UGT1A9: variants seen among roughly 807,000 people sequenced by gnomAD.
UGT1A9 encodes UDP-glucuronosyltransferase 1A9.
In UGT1A9, 35 loss-of-function variants were observed where a neutral mutation model predicts 45.0. The ratio of observed to expected loss-of-function variants is 0.78; its 90% CI spans 0.59 to 1.03. The LOEUF is 1.03. Among genes scored for constraint, UGT1A9 ranks in the 50% least tolerant of loss-of-function variants. The pLI is 0.00. For missense variants in UGT1A9, 687 were observed against 666.6 expected (o/e 1.03, Z -0.34); for synonymous variants, 278 against 250.6 (o/e 1.11, Z -1.03).
chr2:233,745,019 T>C (rs1692990004), intron 1 of UGT1A9, among the ~76,000 whole-genome samples: 1 of 151,908 alleles, frequency 6.6e-6, no homozygotes, highest in Non-Finnish European at 1.5e-5. Context: ...ATGTAAATGC[T>C]ATGTAAATAG....
At chr2:233,713,308 T>A in intron 1 of UGT1A9, 1 of 1,614,228 alleles carries the variant, frequency 6.2e-7, no homozygotes, top group Non-Finnish European at 8.5e-7. Flanking sequence ...ACAGAACATC[T>A]TCTGATGAAA....
At chr2:233,765,087 G>A (rs1381800370) in intron 1 of UGT1A9, among the ~76,000 whole-genome samples, 3 of 152,094 alleles carry the variant, frequency 2.0e-5, no homozygotes, top group African/African-American at 7.2e-5. Flanking sequence ...CACATCTAGG[G>A]TGACCAGCAT....
At chr2:233,677,073 G>A (rs879777039) in intron 1 of UGT1A9, among the ~76,000 whole-genome samples, 5 of 151,762 alleles carry the variant, frequency 3.3e-5, no homozygotes, top group Non-Finnish European at 7.4e-5. Flanking sequence ...GTTCATTAAT[G>A]TGTGCAAAAA....
At chr2:233,755,420 G>A (rs187061066) in intron 1 of UGT1A9, 126 of 320,310 alleles carry the variant, frequency 3.9e-4, no homozygotes, top group African/African-American at 1.9e-3. Context: ...GCCTGTGAGC[G>A]CCTCGCATCC....
chr2:233,762,263 T>A (rs1459310284), intron 1 of UGT1A9, among the ~76,000 whole-genome samples: 1 of 152,194 alleles, frequency 6.6e-6, no homozygotes, highest in Non-Finnish European at 1.5e-5. Context: ...CGAATATGTG[T>A]TACATTAATG....
intron 1 of UGT1A9, among the ~76,000 whole-genome samples, chr2:233,745,582 T>C (rs1693150962): frequency 6.6e-6 from 1 of 151,630 alleles, no homozygotes; most frequent in Admixed American, 6.6e-5. Context: ...TGACATAACC[T>C]GAGACCCGGA....
At chr2:233,754,654 T>C (rs1182813950) in intron 1 of UGT1A9, 3 of 457,300 alleles carry the variant, frequency 6.6e-6, no homozygotes, top group Admixed American at 4.9e-5. Context: ...TCAATGATTC[T>C]CTTGGTGGTG....
chr2:233,738,373 AC>A (rs1456514081), intron 1 of UGT1A9, among the ~76,000 whole-genome samples: 3 of 152,222 alleles, frequency 2.0e-5, no homozygotes, highest in Non-Finnish European at 4.4e-5. Context: ...CTATAAAACT[AC>A]TTGAAAATGT....
At position 233,767,169 on chromosome 2, in the gene UGT1A9, A is replaced by G; in HGVS notation, c.987+4A>G. On this transcript the variant is annotated splice_donor_region_variant and intron_variant, in intron 2 of 4. Coordinates refer to ENST00000354728, the MANE Select transcript of UGT1A9 (RefSeq NM_021027.3). The stretch of plus-strand genomic sequence containing the variant: ...TTTGGGCAAAATCCCTCAGACAGTA[A>G]GAAGATTCTATACCATGGCCTCATA... 1.2e-6 allele frequency: 2 copies of G among 1,614,122 alleles called. No homozygotes were observed. The highest frequency in any genetic ancestry group is 1.7e-6 in the Non-Finnish European group (2 of 1,180,012).
chr2:233,753,314 G>A (rs1425498826), intron 1 of UGT1A9: 1 of 152,252 alleles, frequency 6.6e-6, no homozygotes, highest in Non-Finnish European at 1.5e-5. Context: ...GTGCCCCTGT[G>A]GGATGGTGCC....
intron 1 of UGT1A9, among the ~76,000 whole-genome samples, chr2:233,678,660 A>G (rs1039962711): frequency 2.6e-5 from 4 of 152,204 alleles, no homozygotes; most frequent in African/African-American, 4.8e-5. Flanking sequence ...AAGCATTTCT[A>G]TGAGGCTTGT....
intron 1 of UGT1A9, among the ~76,000 whole-genome samples, chr2:233,684,011 T>C (rs2074659673): frequency 6.6e-6 from 1 of 152,182 alleles, no homozygotes; most frequent in East Asian, 1.9e-4. Context: ...AGAGTAAGAT[T>C]CTTGGCAAAT....
intron 1 of UGT1A9, among the ~76,000 whole-genome samples, chr2:233,687,829 A>G (rs2074864372): frequency 6.6e-6 from 1 of 152,142 alleles, no homozygotes; most frequent in Non-Finnish European, 1.5e-5. Flanking sequence ...TCTCCTGTAA[A>G]CCCAGGAGGT....
chr2:233,708,078 C>T (rs2076003299), intron 1 of UGT1A9, among the ~76,000 whole-genome samples: 1 of 152,190 alleles, frequency 6.6e-6, no homozygotes, highest in South Asian at 2.1e-4. Flanking sequence ...TTGCTTTTTA[C>T]TTTTATTCAA....
At chr2:233,673,738 A>G (rs1251866041) in intron 1 of UGT1A9, among the ~76,000 whole-genome samples, 12 of 152,134 alleles carry the variant, frequency 7.9e-5, no homozygotes, top group Admixed American at 7.9e-4. Flanking sequence ...CCATTTCTAC[A>G]TGTAACTGAC....
intron 1 of UGT1A9, among the ~76,000 whole-genome samples, chr2:233,674,935 G>A (rs1240946008): frequency 1.3e-5 from 2 of 152,304 alleles, no homozygotes; most frequent in Non-Finnish European, 2.9e-5. Flanking sequence ...GGAAAAGCAT[G>A]CAGTTGGTTA....
In UGT1A9 at chr2:233,672,665, T is replaced by C; in HGVS notation, c.731T>C (p.Leu244Pro). ...ILQTPVTEYD[L>P]YSHTSIWLLR... is the part of the protein sequence containing the mutation. ...CAAACACCTGTTACGGAGTATGATC[T>C]CTACAGCCACACATCAATTTGGTTG... The change falls in exon 1 of 5, where the codon CTC becomes CCC. Residue 244 changes from leucine (L) to proline (P), a missense_variant. Transcript: ENST00000354728. 1 of 1,613,956 alleles carries C rather than the reference T, an allele frequency of 6.2e-7. No individual in the cohort carries two copies. The highest frequency in any genetic ancestry group is 8.5e-7 in the Non-Finnish European group (1 of 1,179,848).
intron 4 of UGT1A9, 116 bp from the exon 5 acceptor site, chr2:233,772,146 G>A: frequency 6.4e-7 from 1 of 1,552,532 alleles, no homozygotes; most frequent in Non-Finnish European, 8.7e-7. Flanking sequence ...ATAGAAACAG[G>A]TTTCCTTTCC....
At chr2:233,764,907 A>G (rs1698684591) in intron 1 of UGT1A9, among the ~76,000 whole-genome samples, 1 of 152,198 alleles carries the variant, frequency 6.6e-6, no homozygotes, top group Non-Finnish European at 1.5e-5. Flanking sequence ...TAAGAGCCAG[A>G]GGACTCACGA....
Sources: allele counts gnomAD v4.1 joint callset (sites outside exome capture counted in the v4.1 genomes callset), GRCh38; gene constraint gnomAD v4.1.1; transcripts MANE v1.5; gene names NCBI Gene and HGNC (gene_info 2026-07-23, HGNC 2026-07-21).